The following ZDHHC11B variants were observed in gnomAD, a reference collection of about 807,000 sequenced individuals.
ZDHHC11B encodes the protein probable palmitoyltransferase ZDHHC11B.
A neutral mutation model predicts 42.3 loss-of-function variants in ZDHHC11B; 17 were observed. The ratio of observed to expected loss-of-function variants is 0.40; its 90% CI spans 0.27 to 0.60. The LOEUF (loss-of-function observed/expected upper bound fraction) is 0.60, where lower values mean the gene tolerates loss of function less well. ZDHHC11B is among the 20% of genes least tolerant of loss of function. The probability of loss-of-function intolerance (pLI) is 0.41; values close to 1 mark genes in which losing one functional copy is unlikely to be tolerated. For missense variants in ZDHHC11B, 262 were observed against 463.2 expected (o/e 0.57, Z 3.99); for synonymous variants, 123 against 193.5 (o/e 0.64, Z 3.02).
chr5:763,126 T>C (rs1452339741), intron 4 of ZDHHC11B, among the ~76,000 whole-genome samples: 1 of 151,784 alleles, frequency 6.6e-6, no homozygotes, highest in Non-Finnish European at 1.5e-5. Flanking sequence ...TCCCAGCACT[T>C]TGGGAGACCG....
At chr5:777,118 G>A (rs1276326190) in intron 1 of ZDHHC11B, among the ~76,000 whole-genome samples, 1 of 151,910 alleles carries the variant, frequency 6.6e-6, no homozygotes, top group Non-Finnish European at 1.5e-5. Flanking sequence ...CTTAAAGATG[G>A]CGACCCTGGA....
In ZDHHC11B at chr5:717,082, T is replaced by C. The variant is rs1296888253; in HGVS notation, c.1059-217A>G. On this transcript the variant is annotated intron_variant, in intron 12 of 13. Coordinates refer to ENST00000508859, the MANE Select transcript of ZDHHC11B (RefSeq NM_001351303.2). ...AAGAATGTTGCTTTTTTCTTCTGCA[T>C]GTGTGCTGATATAGAGACAAAGTGT... 6.6e-5 allele frequency among the ~76,000 whole-genome samples: 10 copies of C among 151,580 alleles called. 1 individual carries two copies. The highest frequency in any genetic ancestry group is 3.3e-4 in the Admixed American group (5 of 15,198).
chr5:764,195 G>A (rs1327340795), intron 4 of ZDHHC11B, among the ~76,000 whole-genome samples: 9 of 151,952 alleles, frequency 5.9e-5, no homozygotes, highest in African/African-American at 1.7e-4. Context: ...CAAGGACCAC[G>A]CAGTGGTGTT....
chr5:732,865 G>C (rs1561126533), intron 11 of ZDHHC11B, among the ~76,000 whole-genome samples: 1 of 151,844 alleles, frequency 6.6e-6, no homozygotes, highest in Admixed American at 6.6e-5. Flanking sequence ...CTGGACAAGA[G>C]AGTGAGATCC....
At chr5:758,828 G>A (rs142566468) in intron 4 of ZDHHC11B, among the ~76,000 whole-genome samples, 23 of 152,006 alleles carry the variant, frequency 1.5e-4, no homozygotes, top group African/African-American at 4.3e-4. Flanking sequence ...CGAGGTCCGC[G>A]CTCTGCGGGT....
At chr5:769,618 C>T (rs1043387635) in intron 1 of ZDHHC11B, among the ~76,000 whole-genome samples, 3 of 151,790 alleles carry the variant, frequency 2.0e-5, no homozygotes, top group East Asian at 1.9e-4. Context: ...CCCGCGAGTG[C>T]GTTTCAAACC....
chr5:759,018 C>G (rs1416830916), intron 4 of ZDHHC11B, among the ~76,000 whole-genome samples: 30 of 151,786 alleles, frequency 2.0e-4, no homozygotes, highest in African/African-American at 7.3e-4. Flanking sequence ...ACCGTGTTCT[C>G]AATTTTCTCT....
At chr5:758,344 C>T (rs6863843) in intron 4 of ZDHHC11B, among the ~76,000 whole-genome samples, 44,050 of 146,448 alleles carry the variant, frequency 0.3, 4,082 homozygotes, top group Middle Eastern at 0.35. Flanking sequence ...AGGTGAAGCT[C>T]AGGCTGAGGA....
At chr5:744,245 C>G (rs1476698155) in intron 9 of ZDHHC11B, among the ~76,000 whole-genome samples, 1 of 149,892 alleles carries the variant, frequency 6.7e-6, no homozygotes, top group African/African-American at 2.5e-5. Flanking sequence ...TATCAGTGAT[C>G]TTTGCCTGTG....
intron 1 of ZDHHC11B, among the ~76,000 whole-genome samples, chr5:774,611 C>T (rs1290550391): frequency 6.6e-6 from 1 of 150,692 alleles, no homozygotes; most frequent in East Asian, 1.9e-4. Context: ...CCCCTTGGGC[C>T]TGGAGCCTGT....
intron 1 of ZDHHC11B, among the ~76,000 whole-genome samples, chr5:779,124 A>ATG (rs1736777079): frequency 6.7e-6 from 1 of 149,598 alleles, no homozygotes; most frequent in Admixed American, 6.6e-5. Context: ...CAACACACAC[A>ATG]GACTAACACA....
At chr5:765,744 G>A (rs1735221177) in intron 4 of ZDHHC11B, among the ~76,000 whole-genome samples, 1 of 151,856 alleles carries the variant, frequency 6.6e-6, no homozygotes, top group South Asian at 2.1e-4. Flanking sequence ...CCTGAACCAG[G>A]GATACCCCAA....
intron 2 of ZDHHC11B, among the ~76,000 whole-genome samples, chr5:767,749 G>A (rs866324717): frequency 2.5e-5 from 2 of 80,436 alleles, no homozygotes; most frequent in Non-Finnish European, 5.3e-5. Flanking sequence ...GCCAAAGACC[G>A]CAGGGAAATG....
At chr5:780,388 G>A (rs1244879753) in intron 1 of ZDHHC11B, among the ~76,000 whole-genome samples, 5 of 151,142 alleles carry the variant, frequency 3.3e-5, no homozygotes, top group South Asian at 4.2e-4. Context: ...GGGCATCCCC[G>A]TGGGAGTGTG....
chr5:742,339 TG>T (rs1234792086), intron 9 of ZDHHC11B, among the ~76,000 whole-genome samples: 2 of 146,914 alleles, frequency 1.4e-5, no homozygotes, highest in Admixed American at 7.1e-5. Context: ...GTTTGTTTGT[TG>T]TTTTTTTACA....
Position 715,966 on chromosome 5 carries a change from C to G in ZDHHC11B, c.*7+835G>C, listed in dbSNP as rs61363100. ...CTTTTCTTGTATGGATCATGCCTTT[C>G]AGGATACAGTATGCCCTATACCCTT... On this transcript the variant is annotated intron_variant, in intron 13 of 13. Coordinates refer to ENST00000508859, the MANE Select transcript of ZDHHC11B (RefSeq NM_001351303.2). Among the ~76,000 whole-genome samples the G allele has an allele frequency of 4.5e-3, 680 of 150,786 alleles. 8 individuals are homozygous for G. The highest frequency in any genetic ancestry group is 0.016 in the African/African-American group (648 of 40,774).
intron 9 of ZDHHC11B, among the ~76,000 whole-genome samples, chr5:744,316 C>T (rs867928058): frequency 4.0e-5 from 6 of 149,550 alleles, no homozygotes; most frequent in Non-Finnish European, 5.9e-5. Flanking sequence ...AGTGGCATTG[C>T]TGAATGAGTT....
At chr5:729,936 T>A (rs1319303250) in intron 12 of ZDHHC11B, among the ~76,000 whole-genome samples, 1 of 150,556 alleles carries the variant, frequency 6.6e-6, no homozygotes, top group African/African-American at 2.4e-5. Flanking sequence ...GGGAACAGGG[T>A]ACCCTTTAGA....
intron 10 of ZDHHC11B, among the ~76,000 whole-genome samples, chr5:737,332 A>G (rs1743644012): frequency 6.7e-6 from 1 of 149,088 alleles, no homozygotes; most frequent in African/African-American, 2.5e-5. Flanking sequence ...AAAATTGCCA[A>G]CTAAAATATC....
Sources: allele counts gnomAD v4.1 joint callset (sites outside exome capture counted in the v4.1 genomes callset), GRCh38; gene constraint gnomAD v4.1.1; transcripts MANE v1.5; gene names NCBI Gene and HGNC (gene_info 2026-07-23, HGNC 2026-07-21).